The following FKBP11 variants were observed in gnomAD, a reference collection of about 807,000 sequenced individuals.
FKBP11 encodes FKBP prolyl isomerase 11.
A neutral mutation model predicts 24.7 loss-of-function variants in FKBP11; 21 were observed. That is an observed-to-expected ratio of 0.85 (90% CI 0.60 to 1.23). The LOEUF is 1.23. FKBP11 is among the 50% of genes most tolerant of loss of function. The probability of loss-of-function intolerance (pLI) is 0.00; values close to 1 mark genes in which losing one functional copy is unlikely to be tolerated. For synonymous variants in FKBP11, 106 were observed against 100.6 expected, an observed-to-expected ratio of 1.05 and a Z score of -0.32; for missense variants, 245 against 248.7, an observed-to-expected ratio of 0.99 and a Z score of 0.10.
the FKBP11 span, among the ~76,000 whole-genome samples, chr12:48,932,902 C>A: frequency 6.6e-6 from 1 of 152,120 alleles, no homozygotes; most frequent in Admixed American, 6.6e-5. Context: ...AGGAAGGGTA[C>A]ATGGGTAGAA....
chr12:48,931,289 G>A (rs1940047212), upstream of FKBP11: 1 of 711,528 alleles, frequency 1.4e-6, no homozygotes, highest in Non-Finnish European at 2.3e-6. Context: ...GAAGGTGGAA[G>A]GCTATTGTCT....
upstream of FKBP11, chr12:48,931,306 G>C (rs1940047378): frequency 3.4e-6 from 3 of 890,232 alleles, no homozygotes; most frequent in Non-Finnish European, 5.2e-6. Context: ...GTCTTATCCA[G>C]GTCTGAGGCT....
upstream of FKBP11, among the ~76,000 whole-genome samples, chr12:48,928,593 T>C (rs1482711270): frequency 6.6e-6 from 1 of 151,406 alleles, no homozygotes; most frequent in Non-Finnish European, 1.5e-5. Context: ...AATTCTCCTG[T>C]TTCAGCCTCC....
chr12:48,924,562 T>A lies in FKBP11; in HGVS notation c.282A>T (p.Pro94=). Residue 94 remains proline, a splice_region_variant and synonymous_variant, in exon 3 of 6, where the codon CCA becomes CCT. Coordinates refer to ENST00000550765, the MANE Select transcript of FKBP11 (RefSeq NM_016594.3). The stretch of plus-strand genomic sequence containing the variant: ...GAATGGGAGGCACAGGTCACATACC[T>A]GGAATCACCTGCTTTTGGCCAAGTT... ...VIELGQKQVI[P]GLEQSLLDMC... is the part of the protein sequence containing the mutation. 1 of 1,613,564 alleles carries A rather than the reference T, an allele frequency of 6.2e-7. No individual in the cohort carries two copies. Among genetic ancestry groups the A allele is most frequent in the South Asian group, 1.1e-5 (1 of 91,066 alleles).
chr12:48,928,152 T>C (rs10875896), upstream of FKBP11, among the ~76,000 whole-genome samples: 48,921 of 146,962 alleles, frequency 0.33, 9,020 homozygotes, highest in Admixed American at 0.48. Flanking sequence ...TCAAGTGATT[T>C]TCCTGCCTCA....
In FKBP11 at chr12:48,925,343, AG is replaced by A; in HGVS notation, c.85del (p.Leu29SerfsTer41). ...GGTCCGGACGGGACTTTCGGTTTCGAGCCCAGCCTCAGCCCGGCACACCGCC... is the reference window on the plus strand; with the variant it reads ...GGTCCGGACGGGACTTTCGGTTTCGACCCAGCCTCAGCCCGGCACACCGCC... Reference protein sequence around the residue: ...SAAVCRAEAGLETESPVRTLQ... With the variant: ...SAAVCRAEAGXETESPVRTLQ... On this transcript the variant is annotated frameshift_variant, in exon 1 of 6. Transcript: ENST00000550765. LOFTEE classifies it high-confidence loss of function. 6.2e-7 allele frequency: 1 copy of A among 1,609,752 alleles called. No individual in the cohort carries two copies. The highest frequency in any genetic ancestry group is 8.5e-7 in the Non-Finnish European group (1 of 1,178,824).
Position 48,925,436 on chromosome 12 carries a change from C to G in FKBP11, c.-8G>C. 1 of 1,557,280 alleles carries G rather than the reference C, an allele frequency of 6.4e-7. No individual in the cohort carries two copies. Among genetic ancestry groups the G allele is most frequent in the East Asian group, 2.4e-5 (1 of 42,318 alleles). ...TGAGGGGCGCAGGGTCATGACTGGG[C>G]GCGGGGCAGGGAGCCGGGGCACCAG... On this transcript the variant is annotated 5_prime_UTR_variant, in exon 1 of 6. Coordinates refer to ENST00000550765, the MANE Select transcript of FKBP11 (RefSeq NM_016594.3).
In FKBP11 at chr12:48,922,243, T is replaced by C. The variant is rs749654388; in HGVS notation, c.389-42A>G. On this transcript the variant is annotated intron_variant, in intron 5 of 5. Coordinates refer to ENST00000550765, the MANE Select transcript of FKBP11 (RefSeq NM_016594.3). ...GTGGAGAGGGTTAGACTCTCTGCAT[T>C]TTATCCAGGGCTCAGAATCTGAATG... The C allele has an allele frequency of 3.2e-6, 5 of 1,544,108 alleles. No homozygotes were observed. In the South Asian group the frequency reaches 4.6e-5, roughly 14 times the overall value.
At chr12:48,924,414 A>C in intron 3 of FKBP11, 147 bp downstream of exon 3, 1 of 1,157,382 alleles carries the variant, frequency 8.6e-7, no homozygotes, top group Admixed American at 2.0e-5. Flanking sequence ...GAGTACTAGA[A>C]GTGAGGTTTG....
the FKBP11 span, among the ~76,000 whole-genome samples, chr12:48,935,135 T>C: frequency 6.6e-6 from 1 of 151,738 alleles, no homozygotes; most frequent in African/African-American, 2.4e-5. Context: ...GAAAGTGTCA[T>C]CTGATCTTGA....
At chr12:48,922,776 T>C in intron 5 of FKBP11, 1 of 1,002,532 alleles carries the variant, frequency 1.0e-6, no homozygotes, top group Non-Finnish European at 1.2e-6. Context: ...GGGGAGGTAA[T>C]AGGGCTTTGG....
intron 2 of FKBP11, 171 bp downstream of exon 2, chr12:48,924,875 G>A: frequency 6.9e-7 from 1 of 1,443,890 alleles, no homozygotes; most frequent in Middle Eastern, 2.6e-4. Context: ...AAGCAAGGAG[G>A]GAAAAGAGGC....
intron 5 of FKBP11, chr12:48,922,549 C>CCGT: frequency 9.8e-7 from 1 of 1,017,218 alleles, no homozygotes; most frequent in Non-Finnish European, 1.2e-6. Context: ...AATAACCACA[C>CCGT]GGATAGAGTC....
At chr12:48,934,379 C>T in the FKBP11 span, among the ~76,000 whole-genome samples, 1 of 152,196 alleles carries the variant, frequency 6.6e-6, no homozygotes. Flanking sequence ...AAGTCTTCCG[C>T]CAGTCCATGA....
chr12:48,925,787 T>C, upstream of FKBP11: 2 of 265,502 alleles, frequency 7.5e-6, no homozygotes, highest in East Asian at 1.6e-4. Context: ...GCATGATTGT[T>C]TCCATTTTAC....
chr12:48,937,731 G>A, the FKBP11 span: 1 of 152,302 alleles, frequency 6.6e-6, no homozygotes, highest in African/African-American at 2.4e-5. Flanking sequence ...TTGATACTAA[G>A]GTCAGCTATG....
At chr12:48,931,562 A>G in the FKBP11 span, 16 of 1,152,624 alleles carry the variant, frequency 1.4e-5, no homozygotes, top group Non-Finnish European at 1.9e-5. Context: ...ATACAACTTA[A>G]TCACAGAACC....
intron 5 of FKBP11, chr12:48,923,097 A>G: frequency 2.0e-6 from 2 of 998,532 alleles, no homozygotes; most frequent in South Asian, 1.7e-5. Context: ...GTGGTGAGTG[A>G]AGATTGCACT....
intron 2 of FKBP11, 61 bp downstream of exon 2, chr12:48,924,985 A>G: frequency 6.4e-7 from 1 of 1,561,032 alleles, no homozygotes; most frequent in South Asian, 1.2e-5. Flanking sequence ...GCCAAAGCTG[A>G]CGTGTTTCAG....
Sources: allele counts gnomAD v4.1 joint callset (sites outside exome capture counted in the v4.1 genomes callset), GRCh38; gene constraint gnomAD v4.1.1; transcripts MANE v1.5; gene names NCBI Gene and HGNC (gene_info 2026-07-23, HGNC 2026-07-21).